Variants in PHF21A observed in about 807,000 individuals in gnomAD.
The protein encoded by PHF21A is BHC80a.
In PHF21A, 11 loss-of-function variants were observed where a neutral mutation model predicts 82.5. That is an observed-to-expected ratio of 0.13 (90% CI 0.08 to 0.22). The LOEUF (loss-of-function observed/expected upper bound fraction) is 0.22, where lower values mean the gene tolerates loss of function less well. Ranked by LOEUF, PHF21A falls within the 10% of genes least tolerant of loss-of-function variation. The pLI, the probability that PHF21A is intolerant of heterozygous loss-of-function variation, is 1.00. For missense variants in PHF21A, 579 were observed against 837.8 expected (o/e 0.69, Z 3.81); for synonymous variants, 297 against 302.8 (o/e 0.98, Z 0.20).
intron 1 of PHF21A, among the ~76,000 whole-genome samples, chr11:46,094,453 T>C (rs1460426586): frequency 2.6e-5 from 4 of 152,136 alleles, no homozygotes; most frequent in Non-Finnish European, 5.9e-5. Context: ...CTTGGCTGAG[T>C]TCATTTTCCA....
At chr11:46,038,109 C>A (rs2096053507) in intron 6 of PHF21A, among the ~76,000 whole-genome samples, 4 of 151,440 alleles carry the variant, frequency 2.6e-5, no homozygotes, top group Admixed American at 2.6e-4. Context: ...CTTGTATACT[C>A]CTATTTCTCT....
chr11:45,994,857 C>T (rs529238607), intron 6 of PHF21A, among the ~76,000 whole-genome samples: 16 of 152,314 alleles, frequency 1.1e-4, no homozygotes, highest in South Asian at 8.3e-4. Flanking sequence ...AGTCATCACA[C>T]GCTTTGAATG....
intron 3 of PHF21A, among the ~76,000 whole-genome samples, chr11:46,087,945 C>T (rs2096876092): frequency 1.3e-5 from 2 of 151,960 alleles, no homozygotes; most frequent in African/African-American, 4.8e-5. Flanking sequence ...TTTGTAGTGA[C>T]AGGGTTTCGC....
intron 6 of PHF21A, among the ~76,000 whole-genome samples, chr11:45,998,501 C>T (rs562026218): frequency 3.2e-4 from 48 of 152,124 alleles, no homozygotes; most frequent in Non-Finnish European, 6.2e-4. Context: ...TGCAAAATAA[C>T]TCTACCATTT....
At chr11:45,957,527 TAAAC>T (rs2092728704) in intron 10 of PHF21A, among the ~76,000 whole-genome samples, 1 of 151,970 alleles carries the variant, frequency 6.6e-6, no homozygotes. Flanking sequence ...AACACATTCT[TAAAC>T]AAGCAATGGG....
chr11:46,086,891 T>C (rs1490088), intron 3 of PHF21A, among the ~76,000 whole-genome samples: 10,105 of 152,174 alleles, frequency 0.066, 651 homozygotes, highest in African/African-American at 0.17. Context: ...CCCTCAAAAA[T>C]TGATAACAAA....
intron 7 of PHF21A, among the ~76,000 whole-genome samples, chr11:45,976,888 A>G (rs986509570): frequency 6.6e-6 from 1 of 152,238 alleles, no homozygotes; most frequent in Non-Finnish European, 1.5e-5. Context: ...TGTAAACTCA[A>G]AAACCAAAAA....
chr11:46,044,630 A>G (rs994119156), intron 6 of PHF21A, among the ~76,000 whole-genome samples: 5 of 152,204 alleles, frequency 3.3e-5, no homozygotes, highest in African/African-American at 1.2e-4. Flanking sequence ...AAACTCTTTT[A>G]AACATTAAAC....
chr11:46,067,635 G>A (rs981697446), intron 6 of PHF21A, among the ~76,000 whole-genome samples: 1 of 151,674 alleles, frequency 6.6e-6, no homozygotes, highest in Non-Finnish European at 1.5e-5. Context: ...ATTTAAATGG[G>A]AATTTTCTTT....
At chr11:45,971,921 A>T (rs2136100968) in intron 7 of PHF21A, among the ~76,000 whole-genome samples, 1 of 11,968 alleles carries the variant, frequency 8.4e-5, no homozygotes, top group Admixed American at 1.4e-3. Flanking sequence ...GTCACCCTGG[A>T]GAGAAGGAAG....
At chr11:46,051,271 T>C (rs1262142267) in intron 6 of PHF21A, among the ~76,000 whole-genome samples, 1 of 152,098 alleles carries the variant, frequency 6.6e-6, no homozygotes, top group East Asian at 1.9e-4. Context: ...ATTGAGCAAA[T>C]TGCTTTGGCT....
intron 1 of PHF21A, among the ~76,000 whole-genome samples, chr11:46,117,638 T>G (rs1232477279): frequency 6.6e-6 from 1 of 152,220 alleles, no homozygotes; most frequent in Non-Finnish European, 1.5e-5. Flanking sequence ...TATATCCTAT[T>G]TGTATTAATA....
chr11:45,986,238 T>A (rs1448914982), intron 6 of PHF21A, among the ~76,000 whole-genome samples: 1 of 152,132 alleles, frequency 6.6e-6, no homozygotes, highest in East Asian at 1.9e-4. Context: ...GCTAGCCTGA[T>A]TGAAATGCAG....
rs1277607098 is a variant in PHF21A at position 46,031,707 on chromosome 11, T to TC, written c.153+45046dup. Reference sequence around the variant, plus strand: ...CAAATCAAAAAGGTTTGGCTGAGACTCTTTTTTCCTCTGGCTTTGTCTGTT... The same window carrying TC: ...CAAATCAAAAAGGTTTGGCTGAGACTCCTTTTTTCCTCTGGCTTTGTCTGTT... On this transcript the variant is annotated intron_variant, in intron 6 of 18. Transcript: ENST00000676320. 2.0e-5 allele frequency among the ~76,000 whole-genome samples: 3 copies of TC among 152,218 alleles called. No homozygotes were observed. The East Asian group carries it at 5.8e-4, about 29-fold the overall frequency.
intron 1 of PHF21A, among the ~76,000 whole-genome samples, chr11:46,109,048 A>G (rs532433721): frequency 6.6e-6 from 1 of 152,318 alleles, no homozygotes; most frequent in East Asian, 1.9e-4. Flanking sequence ...AAAATGATAC[A>G]CTGTAGCTGT....
At chr11:45,966,255 AATATCT>A (rs2093428225) in intron 9 of PHF21A, among the ~76,000 whole-genome samples, 1 of 152,176 alleles carries the variant, frequency 6.6e-6, no homozygotes, top group Non-Finnish European at 1.5e-5. Context: ...ACAATACTTG[AATATCT>A]CAAAAGTTCA....
chr11:46,112,115 T>C (rs2097221122), intron 1 of PHF21A, among the ~76,000 whole-genome samples: 1 of 152,312 alleles, frequency 6.6e-6, no homozygotes, highest in East Asian at 1.9e-4. Flanking sequence ...CAGAGCTGAA[T>C]ACTAGTCAAA....
chr11:46,094,420 A>G (rs991308279), intron 1 of PHF21A, among the ~76,000 whole-genome samples: 1 of 152,204 alleles, frequency 6.6e-6, no homozygotes, highest in Non-Finnish European at 1.5e-5. Flanking sequence ...GAAGCTGGAG[A>G]AGAGCTTATG....
chr11:46,073,179 T>A (rs1565855862), intron 6 of PHF21A, among the ~76,000 whole-genome samples: 1 of 151,876 alleles, frequency 6.6e-6, no homozygotes, highest in Non-Finnish European at 1.5e-5. Flanking sequence ...ATACAAAAAA[T>A]TGGCCAGGCG....
Sources: allele counts gnomAD v4.1 joint callset (sites outside exome capture counted in the v4.1 genomes callset), GRCh38; gene constraint gnomAD v4.1.1; transcripts MANE v1.5; gene names NCBI Gene and HGNC (gene_info 2026-07-23, HGNC 2026-07-21).